The following RPH3A variants were observed in gnomAD, a reference collection of about 807,000 sequenced individuals.
RPH3A encodes rabphilin 3A.
A neutral mutation model predicts 102.2 loss-of-function variants in RPH3A; 48 were observed. That is an observed-to-expected ratio of 0.47 (90% CI 0.37 to 0.60). The LOEUF (loss-of-function observed/expected upper bound fraction) is 0.60. Ranked by LOEUF, RPH3A falls within the 20% of genes least tolerant of loss-of-function variation. RPH3A has a pLI of 0.00. For missense variants in RPH3A, 781 were observed against 910.1 expected (o/e 0.86, Z 1.83); for synonymous variants, 310 against 324.3 (o/e 0.96, Z 0.47).
chr12:112,582,795 G>A (rs555054877), intron 1 of RPH3A, among the ~76,000 whole-genome samples: 9 of 152,210 alleles, frequency 5.9e-5, no homozygotes, highest in South Asian at 2.1e-4. Flanking sequence ...TTCATTGAGC[G>A]GTCATGTCTG....
chr12:112,737,875 T>C (rs2040681210), intron 1 of RPH3A, among the ~76,000 whole-genome samples: 1 of 152,210 alleles, frequency 6.6e-6, no homozygotes, highest in Non-Finnish European at 1.5e-5. Flanking sequence ...TGTGAGGAGC[T>C]AAGTACCAAA....
intron 1 of RPH3A, among the ~76,000 whole-genome samples, chr12:112,588,798 A>C (rs1419199622): frequency 6.6e-6 from 1 of 152,088 alleles, no homozygotes; most frequent in East Asian, 1.9e-4. Flanking sequence ...TGCCCTTACC[A>C]AGAAGCCAGT....
intron 5 of RPH3A, among the ~76,000 whole-genome samples, chr12:112,859,127 A>G (rs1039971032): frequency 6.6e-6 from 1 of 152,222 alleles, no homozygotes; most frequent in African/African-American, 2.4e-5. Context: ...CAGGCAGCCA[A>G]TGCAGACAGG....
rs766344880 is a variant in RPH3A, at chr12:112,895,741, G to A, written c.1858-36G>A. The A allele has an allele frequency of 1.8e-5, 26 of 1,463,552 alleles. No individual in the cohort carries two copies. The South Asian group carries it at 2.1e-4, about 12-fold the overall frequency. 90.7% of individuals were successfully genotyped at this position (1,463,552 alleles called of 1,614,324 possible). A position where few individuals can be genotyped will look rare whatever the true frequency, so the allele number is the denominator to read the frequency against. On this transcript the variant is annotated intron_variant, in intron 20 of 21. Transcript: ENST00000389385. The stretch of plus-strand genomic sequence containing the variant: ...ACCTCCCAATGCTGTGGGTTCAGAG[G>A]GCTCTTACCCACATGTCTTCCTCTG...
At chr12:112,832,263 A>C (rs1010698257) in intron 3 of RPH3A, among the ~76,000 whole-genome samples, 1 of 152,146 alleles carries the variant, frequency 6.6e-6, no homozygotes, top group Non-Finnish European at 1.5e-5. Flanking sequence ...TTGCCATTAA[A>C]CCACCCATTG....
intron 1 of RPH3A, among the ~76,000 whole-genome samples, chr12:112,643,188 A>T (rs2039903162): frequency 6.6e-6 from 1 of 152,156 alleles, no homozygotes; most frequent in Non-Finnish European, 1.5e-5. Context: ...AACCACCATC[A>T]CGCTGTACCC....
intron 8 of RPH3A, chr12:112,868,878 C>T: frequency 3.3e-6 from 1 of 300,416 alleles, no homozygotes; most frequent in Non-Finnish European, 6.1e-6. Flanking sequence ...AAATTAGGAA[C>T]TGAGAGAGAC....
intron 1 of RPH3A, among the ~76,000 whole-genome samples, chr12:112,640,273 C>G (rs539480407): frequency 2.3e-5 from 3 of 132,684 alleles, no homozygotes; most frequent in Admixed American, 9.0e-5. Context: ...TGCAGTGAAC[C>G]GAGATAGCAC....
At chr12:112,774,575 G>A (rs953502054) in intron 1 of RPH3A, among the ~76,000 whole-genome samples, 2 of 152,158 alleles carry the variant, frequency 1.3e-5, no homozygotes, top group Non-Finnish European at 2.9e-5. Flanking sequence ...GGGTTGGTGA[G>A]AATGAAAATC....
intron 2 of RPH3A, among the ~76,000 whole-genome samples, chr12:112,795,882 T>G (rs919574664): frequency 6.6e-6 from 1 of 152,192 alleles, no homozygotes; most frequent in African/African-American, 2.4e-5. Flanking sequence ...ATGTTCGCAA[T>G]CGGGGCGATG....
At chr12:112,614,764 T>C (rs909943989) in intron 1 of RPH3A, among the ~76,000 whole-genome samples, 1 of 147,868 alleles carries the variant, frequency 6.8e-6, no homozygotes, top group Non-Finnish European at 1.5e-5. Flanking sequence ...GCTGATTGAA[T>C]GTTAGATATC....
At chr12:112,822,360 T>C (rs1180703177) in intron 2 of RPH3A, among the ~76,000 whole-genome samples, 1 of 152,230 alleles carries the variant, frequency 6.6e-6, no homozygotes, top group African/African-American at 2.4e-5. Flanking sequence ...ATAAAATCCC[T>C]GCCAGCCCAG....
intron 1 of RPH3A, among the ~76,000 whole-genome samples, chr12:112,649,987 T>G (rs1012032775): frequency 1.3e-5 from 2 of 152,240 alleles, no homozygotes; most frequent in Non-Finnish European, 2.9e-5. Flanking sequence ...CATAGTTGCA[T>G]TCTGAGGTCC....
chr12:112,713,051 C>CTCCTTCTTCTTCTTCTTCTT (rs1555204011), intron 1 of RPH3A, among the ~76,000 whole-genome samples: 1 of 85,858 alleles, frequency 1.2e-5, no homozygotes. Flanking sequence ...TTCTTCTTCT[C>CTCCTTCTTCTTCTTCTTCTT]CTTCTTCTTC....
At chr12:112,764,285 C>G (rs1466823704) in intron 1 of RPH3A, among the ~76,000 whole-genome samples, 1 of 152,080 alleles carries the variant, frequency 6.6e-6, no homozygotes, top group East Asian at 1.9e-4. Context: ...AGAGAATGGC[C>G]AAAAACGAGT....
rs569513746 is a variant in RPH3A, at chr12:112,756,640, A to G, written c.-139-35503A>G. On this transcript the variant is annotated intron_variant, in intron 1 of 21. Coordinates refer to the RPH3A transcript ENST00000543106. ...CTATAGAATACTATTGTTTGGATAC[A>G]CTAATCACCTATTCAAAGACATCTA... Among the ~76,000 whole-genome samples the G allele has an allele frequency of 1.7e-4, 26 of 152,374 alleles. No homozygotes were observed. The South Asian group carries it at 4.8e-3, about 28-fold the overall frequency.
intron 5 of RPH3A, among the ~76,000 whole-genome samples, chr12:112,861,567 G>A (rs931195882): frequency 2.6e-5 from 4 of 152,240 alleles, no homozygotes; most frequent in African/African-American, 9.6e-5. Flanking sequence ...AGGGACTTGG[G>A]AGCCGACTGC....
At position 112,730,219 on chromosome 12, in the gene RPH3A, C is replaced by T. The variant is rs188576019; in HGVS notation, c.-139-61924C>T. ...ACTGTGAGACAGTGCATTTCTGTTG[C>T]GTAAGCCACCCAGTCTGTGGTAGGG... On this transcript the variant is annotated intron_variant, in intron 1 of 21. Transcript: ENST00000543106. 2.9e-4 allele frequency among the ~76,000 whole-genome samples: 44 copies of T among 152,320 alleles called. No individual in the cohort carries two copies. The East Asian group carries it at 6.9e-3, about 24-fold the overall frequency.
chr12:112,723,291 G>A (rs1235846606), intron 1 of RPH3A, among the ~76,000 whole-genome samples: 1 of 152,134 alleles, frequency 6.6e-6, no homozygotes, highest in East Asian at 1.9e-4. Flanking sequence ...CACATATTTT[G>A]TATATGATAT....
Sources: gnomAD v4.1 joint callset for allele counts (sites outside exome capture counted in the v4.1 genomes callset) on GRCh38, gnomAD v4.1.1 for gene constraint, MANE v1.5 for transcripts, NCBI Gene and HGNC (gene_info 2026-07-23, HGNC 2026-07-21) for gene names.